The following NEB variants were observed in gnomAD, a reference collection of about 807,000 sequenced individuals.
The protein encoded by NEB is nebulin.
In NEB, 512 loss-of-function variants were observed where a neutral mutation model predicts 952.2. The ratio of observed to expected loss-of-function variants is 0.54; its 90% CI spans 0.50 to 0.58. The LOEUF is 0.58. NEB is among the 20% of genes least tolerant of loss of function. The probability of loss-of-function intolerance (pLI) is 0.00; values close to 1 mark genes in which losing one functional copy is unlikely to be tolerated. For missense variants in NEB, 8,428 were observed against 9,231.1 expected, an observed-to-expected ratio of 0.91 and a Z score of 3.56; for synonymous variants, 2,900 against 3,149.8, an observed-to-expected ratio of 0.92 and a Z score of 2.66.
intron 181 of NEB, chr2:151,486,215 AAGAT>A (rs1192026873): frequency 5.1e-5 from 16 of 314,478 alleles, no homozygotes; most frequent in Non-Finnish European, 5.3e-5. Context: ...TTCTCCAAAA[AAGAT>A]AGACAAATAG....
chr2:151,640,996 A>G (rs909875757), intron 60 of NEB, among the ~76,000 whole-genome samples: 2 of 152,168 alleles, frequency 1.3e-5, no homozygotes, highest in Non-Finnish European at 2.9e-5. Flanking sequence ...TGACAATGAC[A>G]ATAAAAATGA....
chr2:151,694,231 A>G, intron 20 of NEB, 92 bp downstream of exon 20: 1 of 1,079,940 alleles, frequency 9.3e-7, no homozygotes, highest in Non-Finnish European at 1.4e-6. Flanking sequence ...TGAATCCAAG[A>G]TTTCAGTTAG....
chr2:151,497,834 C>CA (rs2061329828), intron 170 of NEB, 116 bp from the exon 171 acceptor site: 3 of 1,523,872 alleles, frequency 2.0e-6, no homozygotes, highest in Non-Finnish European at 1.8e-6. Context: ...TATATGCTGA[C>CA]AAAATGCCAC....
At chr2:151,492,528 G>T in intron 176 of NEB, 34 bp from the exon 177 acceptor site, 1 of 1,476,654 alleles carries the variant, frequency 6.8e-7, no homozygotes, top group Non-Finnish European at 9.4e-7. Context: ...GAGTGGTGCT[G>T]TCCTAAATCT....
At chr2:151,502,699 T>G (rs989666973) in intron 167 of NEB, 94 bp downstream of exon 167, 9 of 750,488 alleles carry the variant, frequency 1.2e-5, no homozygotes, top group Admixed American at 2.3e-5. Flanking sequence ...ATCATTATTT[T>G]CATTATATGA....
At chr2:151,610,943 A>G (rs767453123) in intron 78 of NEB, 77 bp from the exon 79 acceptor site, 2 of 878,268 alleles carry the variant, frequency 2.3e-6, no homozygotes, top group Non-Finnish European at 3.4e-6. Context: ...TAACATCATT[A>G]CAGTTGTTAG....
rs543712234 is a variant in NEB, at chr2:151,578,790, G to C, written c.16704+548C>G. 3.9e-3 allele frequency among the ~76,000 whole-genome samples: 578 copies of C among 150,098 alleles called. 4 individuals carry two copies. Among genetic ancestry groups the C allele is most frequent in the African/African-American group, 0.013 (552 of 40,902 alleles). The stretch of plus-strand genomic sequence containing the variant: ...AGGAATGAAGGAAGGAAGGAAGGAA[G>C]GGCGGGCAAGGCTGGGCATGGTGGC... On this transcript the variant is annotated intron_variant, in intron 105 of 181. Coordinates refer to ENST00000397345, the MANE Select transcript of NEB (RefSeq NM_001164508.2).
At chr2:151,696,841 TGTA>T in intron 16 of NEB, 106 bp from the exon 17 acceptor site, 1 of 770,662 alleles carries the variant, frequency 1.3e-6, no homozygotes, top group Non-Finnish European at 2.2e-6. Flanking sequence ...CAATGAAACT[TGTA>T]GTTAATAAAA....
chr2:151,525,160 T>TA lies in NEB; in HGVS notation c.22272+2dup, dbSNP rs773465809. On this transcript the variant is annotated splice_region_variant and intron_variant, in intron 151 of 181. Transcript: ENST00000397345. The stretch of plus-strand genomic sequence containing the variant: ...CCCAAGAGTGTTGAGAGGGAAAACT[T>TA]ACATCACTTTGCTTCTTGGCCACTT... The TA allele has an allele frequency of 1.9e-6, 3 of 1,607,726 alleles. No individual in the cohort carries two copies. The highest frequency in any genetic ancestry group is 2.6e-6 in the Non-Finnish European group (3 of 1,174,120).
chr2:151,572,619 C>T (rs1446298459), intron 107 of NEB, among the ~76,000 whole-genome samples: 7 of 147,566 alleles, frequency 4.7e-5, no homozygotes, highest in African/African-American at 1.5e-4. Flanking sequence ...GATCTCAGCT[C>T]ACTGCAACCT....
Position 151,696,641 on chromosome 2 carries a change from C to G in NEB, c.1565G>C (p.Ser522Thr), listed in dbSNP as rs761647105. 2 of 1,611,832 alleles carry G rather than the reference C, an allele frequency of 1.2e-6. No homozygotes were observed. Among genetic ancestry groups the G allele is most frequent in the Non-Finnish European group, 1.7e-6 (2 of 1,177,946 alleles). The change falls in exon 17 of 182, where the codon AGT (serine) becomes ACT (threonine). Residue 522 changes from serine (S) to threonine (T), a missense_variant. Coordinates refer to ENST00000397345, the MANE Select transcript of NEB (RefSeq NM_001164508.2). ...LQAQVNSKQL[S>T]DLNYKAKHES... is the part of the protein sequence containing the mutation. Reference sequence around the variant, plus strand: ...TGAGTAGTTAGAGGAACTTACGTCACTCAGTTGTTTGGAATTGACTTGGGC... The same window carrying G: ...TGAGTAGTTAGAGGAACTTACGTCAGTCAGTTGTTTGGAATTGACTTGGGC...
chr2:151,530,384 G>A (rs936629554), intron 145 of NEB, among the ~76,000 whole-genome samples: 5 of 152,030 alleles, frequency 3.3e-5, no homozygotes, highest in Admixed American at 6.6e-5. Flanking sequence ...TTTCAGGGTC[G>A]AGGGCCTCGA....
intron 29 of NEB, among the ~76,000 whole-genome samples, chr2:151,681,442 A>G (rs2099413289): frequency 6.6e-6 from 1 of 152,154 alleles, no homozygotes; most frequent in African/African-American, 2.4e-5. Context: ...ACTTCTAGCT[A>G]CCTTATTCCT....
At chr2:151,629,717 T>C in intron 67 of NEB, 71 bp from the exon 68 acceptor site, 2 of 1,308,326 alleles carry the variant, frequency 1.5e-6, no homozygotes, top group East Asian at 4.7e-5. Flanking sequence ...TTAAGTGACT[T>C]ATATCCTAAA....
At chr2:151,550,286 A>C (rs1577131327) in intron 129 of NEB, among the ~76,000 whole-genome samples, 3 of 151,672 alleles carry the variant, frequency 2.0e-5, no homozygotes, top group Non-Finnish European at 4.4e-5. Context: ...AAAAAAAAAA[A>C]AAAACACTAA....
At chr2:151,729,453 A>G (rs2150988169) in intron 4 of NEB, among the ~76,000 whole-genome samples, 162 bp downstream of exon 4, 1 of 152,346 alleles carries the variant, frequency 6.6e-6, no homozygotes, top group African/African-American at 2.4e-5. Flanking sequence ...TCAAACAGGT[A>G]ATGTTTGTGC....
intron 167 of NEB, 35 bp from the exon 168 acceptor site, chr2:151,501,518 G>T: frequency 8.0e-7 from 1 of 1,248,372 alleles, no homozygotes; most frequent in South Asian, 2.1e-5. Context: ...AATCAACCTG[G>T]ACCCATCATT....
At position 151,508,088 on chromosome 2, in the gene NEB, C is replaced by T; in HGVS notation, c.23368G>A (p.Glu7790Lys). The stretch of plus-strand genomic sequence containing the variant: ...GTCTCATAATACGACATGGACTTCT[C>T]AGCATCTTCCTTGTACTTTTTCTGG... Reference protein sequence around the residue: ...SSQKKYKEDAEKSMSYYETVL... With the variant: ...SSQKKYKEDAKKSMSYYETVL... The change falls in exon 162 of 182, where the codon GAG becomes AAG. Residue 7790 changes from glutamate to lysine, a missense_variant. Physicochemically the swap from Glu to Lys is moderately conservative, Grantham distance 56. Around this residue, in one of 11 missense-constraint regions of NEB, gnomAD observed 3,374 missense variants for 3,651.5 expected, o/e 0.92. Transcript: ENST00000397345. 5 of 1,607,798 alleles carry T rather than the reference C, an allele frequency of 3.1e-6. No individual in the cohort carries two copies. Among genetic ancestry groups the T allele is most frequent in the Non-Finnish European group, 4.2e-6 (5 of 1,176,546 alleles).
chr2:151,702,283 C>CTCTCTTT (rs2099675757), intron 13 of NEB, among the ~76,000 whole-genome samples: 1 of 151,818 alleles, frequency 6.6e-6, no homozygotes, highest in Non-Finnish European at 1.5e-5. Flanking sequence ...GCTTTACTTC[C>CTCTCTTT]AAGTATGTGG....
Sources: gnomAD v4.1 joint callset for allele counts (sites outside exome capture counted in the v4.1 genomes callset) on GRCh38, gnomAD v4.1.1 for gene constraint, gnomAD v4.1.1 regional missense constraint, MANE v1.5 for transcripts, NCBI Gene and HGNC (gene_info 2026-07-23, HGNC 2026-07-21) for gene names.